DGKI: variants seen among roughly 807,000 people sequenced by gnomAD.
DGKI encodes diacylglycerol kinase iota.
In DGKI, 55 loss-of-function variants were observed where a neutral mutation model predicts 147.5. The observed-to-expected ratio is 0.37, with a 90% CI of 0.30 to 0.47. DGKI has a LOEUF of 0.47. DGKI is among the 20% of genes least tolerant of loss of function. The pLI, the probability that DGKI is intolerant of heterozygous loss-of-function variation, is 1.00. For missense variants in DGKI, 1,007 were observed against 1,323.8 expected (o/e 0.76, Z 3.71); for synonymous variants, 469 against 477.1 (o/e 0.98, Z 0.22).
At chr7:137,549,468 C>A (rs1817974536) in intron 20 of DGKI, among the ~76,000 whole-genome samples, 1 of 152,080 alleles carries the variant, frequency 6.6e-6, no homozygotes, top group Non-Finnish European at 1.5e-5. Flanking sequence ...AATTAAACAA[C>A]CACCTTCTTC....
At chr7:137,684,845 G>T (rs983801884) in intron 2 of DGKI, among the ~76,000 whole-genome samples, 1 of 152,110 alleles carries the variant, frequency 6.6e-6, no homozygotes, top group Admixed American at 6.6e-5. Flanking sequence ...TGATGAAGAG[G>T]GGGGCCTGAC....
chr7:137,846,345 A>AT lies in DGKI; in HGVS notation c.401+116_401+117insA. ...CCCGGGAGGAGAGGGGGAAAGGGGG[A>AT]AGGAGAGGCGTGGAAACAGAGAGGT... On this transcript the variant is annotated intron_variant, in intron 1 of 32. Coordinates refer to ENST00000614521, the MANE Select transcript of DGKI (RefSeq NM_001321708.2). The surrounding 1 kb of genome is among the most constrained non-coding windows in gnomAD (Gnocchi z 4.0). 1 of 571,926 alleles carries AT rather than the reference A, an allele frequency of 1.7e-6. No homozygotes were observed. The highest frequency in any genetic ancestry group is 2.9e-6 in the Non-Finnish European group (1 of 342,456). The allele number at this position is 571,926 out of a possible 1,614,324, so 35.4% of individuals were successfully genotyped here. A position where few individuals can be genotyped will look rare whatever the true frequency, so the allele number is the denominator to read the frequency against.
intron 3 of DGKI, among the ~76,000 whole-genome samples, chr7:137,672,214 C>T (rs965369770): frequency 4.6e-5 from 7 of 152,204 alleles, no homozygotes; most frequent in Admixed American, 3.9e-4. Context: ...ACTGCGGTAT[C>T]TGCATGGCTA....
At chr7:137,547,724 G>T (rs568417303) in intron 20 of DGKI, among the ~76,000 whole-genome samples, 1 of 152,292 alleles carries the variant, frequency 6.6e-6, no homozygotes, top group South Asian at 2.1e-4. Context: ...GAGCAGAGAA[G>T]GGAGGAGTGA....
At chr7:137,692,420 A>T (rs1823644806) in intron 1 of DGKI, among the ~76,000 whole-genome samples, 4 of 152,230 alleles carry the variant, frequency 2.6e-5, no homozygotes, top group African/African-American at 9.7e-5. Context: ...GTTTAATGAG[A>T]AAAACACAGA....
intron 1 of DGKI, among the ~76,000 whole-genome samples, chr7:137,806,288 G>T (rs1797361873): frequency 6.6e-6 from 1 of 152,234 alleles, no homozygotes; most frequent in Admixed American, 6.5e-5. Context: ...TGAAGAAACT[G>T]AGAGAGGTCT....
At chr7:137,439,306 A>G (rs971784776) in intron 28 of DGKI, among the ~76,000 whole-genome samples, 1 of 152,194 alleles carries the variant, frequency 6.6e-6, no homozygotes, top group African/African-American at 2.4e-5. Context: ...ATCCATTCTC[A>G]TGTTGCTAAT....
chr7:137,840,800 A>T (rs139076439), intron 1 of DGKI, among the ~76,000 whole-genome samples: 171 of 152,368 alleles, frequency 1.1e-3, no homozygotes, highest in African/African-American at 4.0e-3. Context: ...TGCCAATGAA[A>T]TGTATTTATT....
chr7:137,472,156 A>T lies in DGKI; in HGVS notation c.2374-2537T>A, dbSNP rs1814939226. Among the ~76,000 whole-genome samples the T allele has an allele frequency of 3.3e-5, 4 of 121,404 alleles. No homozygotes were observed. In the South Asian group the frequency reaches 9.5e-4, roughly 29 times the overall value. 79.6% of individuals were successfully genotyped at this position (121,404 alleles called of 152,430 possible). Reference sequence around the variant, plus strand: ...ACATATATATGTGTATATACATATAAATATTATATATACACATATATATGT... The same window carrying T: ...ACATATATATGTGTATATACATATATATATTATATATACACATATATATGT... On this transcript the variant is annotated intron_variant, in intron 23 of 32. Transcript: ENST00000614521.
rs1819350655 is a variant in DGKI at position 137,585,305 on chromosome 7, C to T, written c.1467G>A (p.Val489=). Residue 489 remains valine (V), a synonymous_variant, in exon 14 of 33, where the codon GTG becomes GTA. Coordinates refer to ENST00000614521, the MANE Select transcript of DGKI (RefSeq NM_001321708.2). ...CTAGCTGTACAACTGTCCCATCTTC[C>T]ACTTGACACAGGATCTTAGAAACAG... ...DEPVSKILCQ[V]EDGTVVQLDR... is the part of the protein sequence containing the mutation. 6.2e-7 allele frequency: 1 copy of T among 1,614,018 alleles called. No homozygotes were observed. Among genetic ancestry groups the T allele is most frequent in the African/African-American group, 1.3e-5 (1 of 74,914 alleles).
intron 27 of DGKI, among the ~76,000 whole-genome samples, chr7:137,444,871 G>A (rs939436458): frequency 6.6e-6 from 1 of 152,108 alleles, no homozygotes; most frequent in African/African-American, 2.4e-5. Context: ...TGAAGACTAC[G>A]GCTTTGACTC....
At chr7:137,427,269 T>C (rs1015582064) in intron 28 of DGKI, among the ~76,000 whole-genome samples, 22 of 152,060 alleles carry the variant, frequency 1.4e-4, no homozygotes, top group Non-Finnish European at 2.2e-4. Flanking sequence ...CTCAACTACA[T>C]GGAAACTGAA....
At chr7:137,551,584 T>C (rs1386884195) in intron 20 of DGKI, among the ~76,000 whole-genome samples, 1 of 152,194 alleles carries the variant, frequency 6.6e-6, no homozygotes, top group Non-Finnish European at 1.5e-5. Flanking sequence ...ACTCAAAAGA[T>C]GCCAAAAATT....
At chr7:137,781,346 T>G (rs1427606977) in intron 1 of DGKI, among the ~76,000 whole-genome samples, 1 of 152,164 alleles carries the variant, frequency 6.6e-6, no homozygotes, top group African/African-American at 2.4e-5. Flanking sequence ...TATGTTCTTT[T>G]TGGGCAAAGA....
intron 31 of DGKI, chr7:137,395,902 T>C: frequency 1.9e-6 from 1 of 535,618 alleles, no homozygotes. Flanking sequence ...AATATCTGAC[T>C]CTAGCCCCCT....
intron 2 of DGKI, among the ~76,000 whole-genome samples, chr7:137,682,716 C>G (rs144345155): frequency 2.0e-3 from 310 of 152,278 alleles, no homozygotes; most frequent in Non-Finnish European, 3.7e-3. Flanking sequence ...TTAGGTGTGG[C>G]CAAATTCTGA....
rs1006074264 is a variant in DGKI at position 137,381,103 on chromosome 7, G to A, written c.*10117C>T. 1 of 151,990 alleles carries A rather than the reference G, an allele frequency of 6.6e-6. No homozygotes were observed. Among genetic ancestry groups the A allele is most frequent in the Non-Finnish European group, 1.5e-5 (1 of 67,976 alleles). 9.4% of individuals were successfully genotyped at this position (151,990 alleles called of 1,614,324 possible). On this transcript the variant is annotated 3_prime_UTR_variant, in exon 33 of 33. Coordinates refer to ENST00000614521, the MANE Select transcript of DGKI (RefSeq NM_001321708.2). ...ACAATACAGAAAAAGTGTCCAAAAA[G>A]TAACTGTAACTAGTCAATTTCTTTT... is the stretch of plus-strand genomic sequence containing the variant.
chr7:137,824,512 T>C (rs1344627190), intron 1 of DGKI, among the ~76,000 whole-genome samples: 1 of 107,480 alleles, frequency 9.3e-6, no homozygotes, highest in Non-Finnish European at 1.8e-5. Context: ...TGAGACTCCA[T>C]CTCAAAAAAA....
chr7:137,388,658 A>G lies in DGKI; in HGVS notation c.*2562T>C, dbSNP rs1811253117. The G allele has an allele frequency of 6.6e-6, 1 of 152,128 alleles. No homozygotes were observed. Among genetic ancestry groups the G allele is most frequent in the Non-Finnish European group, 1.5e-5 (1 of 68,032 alleles). The allele number at this position is 152,128 out of a possible 1,614,324, so 9.4% of individuals were successfully genotyped here. A position where few individuals can be genotyped will look rare whatever the true frequency, so the allele number is the denominator to read the frequency against. On this transcript the variant is annotated 3_prime_UTR_variant, in exon 33 of 33. Coordinates refer to ENST00000614521, the MANE Select transcript of DGKI (RefSeq NM_001321708.2). ...CCAGGACCAATTTTTAAAACATGCT[A>G]CAGGAGGTGGTTTAATGTTGAAGCC... is the stretch of plus-strand genomic sequence containing the variant.
Sources: allele counts gnomAD v4.1 joint callset (sites outside exome capture counted in the v4.1 genomes callset), GRCh38; gene constraint gnomAD v4.1.1; non-coding constraint Gnocchi (gnomAD v3.1); transcripts MANE v1.5; gene names NCBI Gene and HGNC (gene_info 2026-07-23, HGNC 2026-07-21).